Variants in OPCML observed in about 807,000 individuals in gnomAD.
OPCML encodes opioid-binding protein/cell adhesion molecule.
Under a neutral mutation model 37.8 loss-of-function variants are expected in OPCML, and 13 were observed. The ratio of observed to expected loss-of-function variants is 0.34; its 90% CI spans 0.22 to 0.55. The LOEUF (loss-of-function observed/expected upper bound fraction) is 0.55. Among genes scored for constraint, OPCML ranks in the 20% least tolerant of loss-of-function variants. The pLI is 0.91. For missense variants in OPCML, 341 were observed against 435.6 expected (o/e 0.78, Z 1.93); for synonymous variants, 176 against 168.8 (o/e 1.04, Z -0.33).
intron 1 of OPCML, among the ~76,000 whole-genome samples, chr11:133,109,348 T>C (rs1481080074): frequency 1.3e-5 from 2 of 152,176 alleles, no homozygotes; most frequent in Admixed American, 6.5e-5. Flanking sequence ...TTACCGCTGC[T>C]GGCTGGGGGT....
intron 3 of OPCML, among the ~76,000 whole-genome samples, chr11:132,582,104 T>TTTTG (rs1435793048): frequency 5.7e-5 from 8 of 140,410 alleles, no homozygotes; most frequent in Non-Finnish European, 1.1e-4. Context: ...CACACATACT[T>TTTTG]TGTGTGTGTG....
chr11:133,399,951 G>A (rs1176533601), intron 1 of OPCML, among the ~76,000 whole-genome samples: 3 of 151,316 alleles, frequency 2.0e-5, no homozygotes, highest in East Asian at 1.9e-4. Context: ...TATTGTATTC[G>A]GCAAGCTAGA....
chr11:133,149,376 TTC>T (rs1316289694), intron 1 of OPCML, among the ~76,000 whole-genome samples: 1 of 152,216 alleles, frequency 6.6e-6, no homozygotes, highest in Non-Finnish European at 1.5e-5. Context: ...CCTGCAAATG[TTC>T]TTTCCTACTG....
chr11:133,027,829 A>G, intron 1 of OPCML, among the ~76,000 whole-genome samples: 22 of 5,196 alleles, frequency 4.2e-3, no homozygotes, highest in Admixed American at 4.9e-3. Context: ...ATGTGGGGGG[A>G]GGTGGGGTGG....
At chr11:133,203,818 G>C (rs1334727745) in intron 1 of OPCML, among the ~76,000 whole-genome samples, 1 of 152,082 alleles carries the variant, frequency 6.6e-6, no homozygotes, top group African/African-American at 2.4e-5. Flanking sequence ...CAGTACTTTG[G>C]GAGGCTGAGG....
chr11:132,771,227 A>G (rs1249297972), intron 2 of OPCML, among the ~76,000 whole-genome samples: 5 of 152,144 alleles, frequency 3.3e-5, no homozygotes, highest in Admixed American at 2.0e-4. Context: ...GAAGAGAACA[A>G]CATTTAACCA....
chr11:132,659,150 C>T (rs1320372228), intron 2 of OPCML, among the ~76,000 whole-genome samples: 3 of 152,184 alleles, frequency 2.0e-5, no homozygotes, highest in Admixed American at 2.0e-4. Context: ...ATCTCCTCCA[C>T]ATCGTGAGGC....
chr11:133,442,997 G>A (rs1473266621), intron 1 of OPCML, among the ~76,000 whole-genome samples: 1 of 152,002 alleles, frequency 6.6e-6, no homozygotes, highest in Non-Finnish European at 1.5e-5. Context: ...TTTTCAAGAA[G>A]ATATTCATGT....
At chr11:132,592,555 C>A (rs2096486189) in intron 3 of OPCML, among the ~76,000 whole-genome samples, 1 of 152,160 alleles carries the variant, frequency 6.6e-6, no homozygotes, top group Admixed American at 6.5e-5. Context: ...AGTGGTTTAC[C>A]TTGTTGGGTG....
intron 1 of OPCML, among the ~76,000 whole-genome samples, chr11:133,397,690 G>A (rs1945317322): frequency 2.0e-5 from 3 of 152,228 alleles, no homozygotes; most frequent in African/African-American, 7.2e-5. Context: ...CATCAGCCGA[G>A]ACAGCATTTT....
chr11:132,527,025 G>A (rs1473225633), intron 4 of OPCML, among the ~76,000 whole-genome samples: 1 of 152,020 alleles, frequency 6.6e-6, no homozygotes, highest in African/African-American at 2.4e-5. Context: ...TCAGCATGCC[G>A]TTTTTGAGAT....
At chr11:132,564,073 G>A (rs139928019) in intron 3 of OPCML, among the ~76,000 whole-genome samples, 150 of 152,266 alleles carry the variant, frequency 9.9e-4, no homozygotes, top group Middle Eastern at 3.4e-3. Context: ...GCAGCATGAA[G>A]CCATCTGACA....
chr11:132,783,028 T>C (rs1015708628), intron 2 of OPCML, among the ~76,000 whole-genome samples: 1 of 151,368 alleles, frequency 6.6e-6, no homozygotes, highest in Admixed American at 6.6e-5. Context: ...ATCTGATTTT[T>C]GCTTTTAGAT....
At chr11:132,614,950 C>T (rs1413196246) in intron 3 of OPCML, among the ~76,000 whole-genome samples, 1 of 152,170 alleles carries the variant, frequency 6.6e-6, no homozygotes, top group Non-Finnish European at 1.5e-5. Context: ...TTTTTATTGC[C>T]AGTCAGCTGA....
chr11:132,896,925 A>G (rs1231695585), intron 2 of OPCML, among the ~76,000 whole-genome samples: 1 of 152,236 alleles, frequency 6.6e-6, no homozygotes, highest in Non-Finnish European at 1.5e-5. Flanking sequence ...CTCGTCCTAC[A>G]ACCAAGAAAG....
intron 2 of OPCML, among the ~76,000 whole-genome samples, chr11:132,796,848 C>T (rs1188124967): frequency 1.3e-5 from 2 of 152,028 alleles, no homozygotes; most frequent in Admixed American, 1.3e-4. Flanking sequence ...GAAATGGTAT[C>T]GTATTCTTTG....
chr11:133,165,628 C>A (rs1268086857), intron 1 of OPCML, among the ~76,000 whole-genome samples: 2 of 152,178 alleles, frequency 1.3e-5, no homozygotes. Context: ...ACATAATGGT[C>A]TTTTCCCCGA....
chr11:133,181,144 G>A (rs1403933788), intron 1 of OPCML, among the ~76,000 whole-genome samples: 1 of 152,196 alleles, frequency 6.6e-6, no homozygotes, highest in Non-Finnish European at 1.5e-5. Context: ...GCCAGCGTTT[G>A]GGGACCGGAG....
intron 2 of OPCML, among the ~76,000 whole-genome samples, chr11:132,660,394 T>C (rs575365767): frequency 2.0e-5 from 3 of 152,240 alleles, no homozygotes; most frequent in Non-Finnish European, 4.4e-5. Context: ...AATTAATTCC[T>C]CTTTCAATTT....
Sources: gnomAD v4.1 joint callset for allele counts (sites outside exome capture counted in the v4.1 genomes callset) on GRCh38, gnomAD v4.1.1 for gene constraint, MANE v1.5 for transcripts, NCBI Gene and HGNC (gene_info 2026-07-23, HGNC 2026-07-21) for gene names.